The following DET1 variants were observed in gnomAD, a reference collection of about 807,000 sequenced individuals.
The protein encoded by DET1 is DET1 partner of COP1 E3 ubiquitin ligase.
Under a neutral mutation model 43.7 loss-of-function variants are expected in DET1, and 22 were observed. That is an observed-to-expected ratio of 0.50 (90% CI 0.36 to 0.72). The LOEUF is 0.72. Ranked by LOEUF, DET1 falls within the 30% of genes least tolerant of loss-of-function variation. DET1 has a pLI of 0.00. For missense variants in DET1, 713 were observed against 713.3 expected, an observed-to-expected ratio of 1.00 and a Z score of 0.00; for synonymous variants, 315 against 266.2, an observed-to-expected ratio of 1.18 and a Z score of -1.79.
At chr15:88,511,064 G>A (rs1384960946), downstream of DET1, among the ~76,000 whole-genome samples, 2 of 152,084 alleles carry the variant, frequency 1.3e-5, no homozygotes, top group African/African-American at 2.4e-5. Context: ...GAGCCACCAC[G>A]CCTGGCTGAG....
At chr15:88,529,756 G>C (rs558941557) in intron 2 of DET1, among the ~76,000 whole-genome samples, 1 of 152,218 alleles carries the variant, frequency 6.6e-6, no homozygotes, top group Non-Finnish European at 1.5e-5. Flanking sequence ...ACAGGAGAAT[G>C]GGGAGACATA....
In DET1 at chr15:88,531,455, ATT is replaced by A; in HGVS notation, c.249_250del (p.Glu83AspfsTer3). 1 of 1,613,998 alleles carries A rather than the reference ATT, an allele frequency of 6.2e-7. No individual in the cohort carries two copies. The highest frequency in any genetic ancestry group is 8.5e-7 in the Non-Finnish European group (1 of 1,179,892). On this transcript the variant is annotated frameshift_variant, in exon 2 of 5. Transcript: ENST00000268148. LOFTEE classifies it high-confidence loss of function. This position sits in a 1 kb window ranked among gnomAD's most constrained non-coding sequence, Gnocchi z 6.2. ...TGCCTGGCAGCCCTGGTACTCATAG[ATT>A]TCAAGAGATGTCTGGTCTGAAGAAA...
chr15:88,530,592 G>T, intron 2 of DET1, 31 bp downstream of exon 2: 1 of 1,548,754 alleles, frequency 6.5e-7, no homozygotes, highest in South Asian at 1.3e-5. Context: ...AAGGAGATTA[G>T]ACAAGTAAAA....
intron 3 of DET1, among the ~76,000 whole-genome samples, chr15:88,525,922 T>C (rs2056652075): frequency 6.7e-6 from 1 of 149,884 alleles, no homozygotes; most frequent in Non-Finnish European, 1.5e-5. Context: ...GCAATCCACC[T>C]GGCTTGGACT....
In DET1 at chr15:88,530,772, T is replaced by C. The variant is rs2056789333; in HGVS notation, c.934A>G (p.Ser312Gly). The change falls in exon 2 of 5, where the codon AGT becomes GGT. Residue 312 changes from serine (S) to glycine (G), a missense_variant. Ser to Gly is a moderately conservative substitution (Grantham distance 56). Coordinates refer to ENST00000268148, the MANE Select transcript of DET1 (RefSeq NM_001144074.3). ...YLWRRAEQDG[S>G]AMAKRRFFQY... Reference sequence around the variant, plus strand: ...AAGAAGCGCCTCTTGGCCATTGCACTACCATCCTGTTCTGCCCGGCGCCAC... The same window carrying C: ...AAGAAGCGCCTCTTGGCCATTGCACCACCATCCTGTTCTGCCCGGCGCCAC... 1 of 1,613,968 alleles carries C rather than the reference T, an allele frequency of 6.2e-7. No homozygotes were observed. The highest frequency in any genetic ancestry group is 8.5e-7 in the Non-Finnish European group (1 of 1,179,856).
chr15:88,540,809 C>A (rs2057086850), intron 1 of DET1, among the ~76,000 whole-genome samples: 1 of 137,290 alleles, frequency 7.3e-6, no homozygotes, highest in African/African-American at 2.9e-5. Context: ...GTCATCACCA[C>A]TCCCTAATCT....
intron 1 of DET1, among the ~76,000 whole-genome samples, chr15:88,541,782 GTCC>G (rs1230679331): frequency 1.3e-5 from 2 of 152,126 alleles, no homozygotes; most frequent in Non-Finnish European, 2.9e-5. Flanking sequence ...CACCTCCAAA[GTCC>G]TCCTGAACCA....
chr15:88,513,735 A>G (rs2142255232), intron 4 of DET1, among the ~76,000 whole-genome samples: 1 of 147,616 alleles, frequency 6.8e-6, no homozygotes, highest in South Asian at 2.1e-4. Flanking sequence ...AGTGTCTACC[A>G]TATTGGACAG....
intron 7 of DET1, among the ~76,000 whole-genome samples, chr15:88,507,397 G>A (rs1000587): frequency 0.69 from 105,658 of 152,110 alleles, 36,957 homozygotes; most frequent in South Asian, 0.83. Context: ...TTCTCATATA[G>A]CTTCAATATC....
At chr15:88,523,608 T>G (rs1208473923) in intron 3 of DET1, among the ~76,000 whole-genome samples, 1 of 152,090 alleles carries the variant, frequency 6.6e-6, no homozygotes, top group Non-Finnish European at 1.5e-5. Context: ...CCTGACTGGT[T>G]TTTGTATTTT....
intron 3 of DET1, among the ~76,000 whole-genome samples, chr15:88,517,406 T>C (rs1480044042): frequency 1.3e-5 from 2 of 151,868 alleles, no homozygotes; most frequent in African/African-American, 4.8e-5. Flanking sequence ...TTGTATTTTT[T>C]ATAGAGATGG....
At position 88,522,512 on chromosome 15, in the gene DET1, G is replaced by GTTTTTTGTTTTTT. The variant is rs759224241; in HGVS notation, c.1271+5086_1271+5087insAAAAAACAAAAAA. On this transcript the variant is annotated intron_variant, in intron 3 of 4. Transcript: ENST00000268148. Reference sequence around the variant, plus strand: ...TCTCATTGTTCTAGGAATGTTCCTGGTTTTTTTTTTTTTTTGAGTTGGAGT... The same window carrying GTTTTTTGTTTTTT: ...TCTCATTGTTCTAGGAATGTTCCTGGTTTTTTGTTTTTTTTTTTTTTTTTTTTTGAGTTGGAGT... Among the ~76,000 whole-genome samples, 36 of 80,298 alleles carry GTTTTTTGTTTTTT rather than the reference G, an allele frequency of 4.5e-4. 2 individuals are homozygous for GTTTTTTGTTTTTT. The highest frequency in any genetic ancestry group is 1.8e-3 in the African/African-American group (35 of 19,148). 52.7% of individuals were successfully genotyped at this position (80,298 alleles called of 152,430 possible). A position where few individuals can be genotyped will look rare whatever the true frequency, so the allele number is the denominator to read the frequency against.
chr15:88,531,584 A>G lies in DET1; in HGVS notation c.122T>C (p.Val41Ala). Residue 41 changes from valine to alanine, a missense_variant, in exon 2 of 5, where the codon GTG becomes GCG. Physicochemically the swap from Val to Ala is moderately conservative, Grantham distance 64. Coordinates refer to ENST00000268148, the MANE Select transcript of DET1 (RefSeq NM_001144074.3). The surrounding 1 kb of genome is among the most constrained non-coding windows in gnomAD (Gnocchi z 6.2). ...GTTGGGGAAGACATTCTGATGGAACACTCGGACTTGGTGCCAGTGGGTACC... is the reference window on the plus strand; with the variant it reads ...GTTGGGGAAGACATTCTGATGGAACGCTCGGACTTGGTGCCAGTGGGTACC... ...KAGTHWHQVRVFHQNVFPNFT... is the reference protein window; with the variant it reads ...KAGTHWHQVRAFHQNVFPNFT... 6.2e-7 allele frequency: 1 copy of G among 1,613,992 alleles called. No homozygotes were observed. Among genetic ancestry groups the G allele is most frequent in the South Asian group, 1.1e-5 (1 of 91,080 alleles).
rs2056807888 is a variant in DET1 at position 88,531,301 on chromosome 15, G to A, written c.405C>T (p.Ala135=). The A allele has an allele frequency of 6.2e-7, 1 of 1,613,926 alleles. No homozygotes were observed. The highest frequency in any genetic ancestry group is 8.5e-7 in the Non-Finnish European group (1 of 1,179,868). The part of the protein sequence containing the change: ...FVLLHITNVA[A]NGEHLNRECS... The stretch of plus-strand genomic sequence containing the variant: ...ACTCCCGGTTCAGGTGCTCACCATT[G>A]GCCGCAACATTGGTAATGTGCAGCA... Residue 135 remains alanine (A), a synonymous_variant, in exon 2 of 5, where the codon GCC becomes GCT. Transcript: ENST00000268148. This position sits in a 1 kb window ranked among gnomAD's most constrained non-coding sequence, Gnocchi z 6.2.
chr15:88,518,282 C>T (rs1283380034), intron 3 of DET1, among the ~76,000 whole-genome samples: 1 of 152,044 alleles, frequency 6.6e-6, no homozygotes, highest in Non-Finnish European at 1.5e-5. Context: ...TACTTCTATT[C>T]TTCTGGAAAT....
intron 1 of DET1, among the ~76,000 whole-genome samples, chr15:88,538,041 G>A (rs960498799): frequency 1.2e-4 from 19 of 152,184 alleles, no homozygotes; most frequent in Admixed American, 7.9e-4. Flanking sequence ...TCGGTCATGC[G>A]GTATTTTCAG....
chr15:88,525,321 G>A (rs1373046441), intron 3 of DET1, among the ~76,000 whole-genome samples: 1 of 152,028 alleles, frequency 6.6e-6, no homozygotes, highest in African/African-American at 2.4e-5. Context: ...ATATGTGAGG[G>A]TACCCCCAAT....
At position 88,531,564 on chromosome 15, in the gene DET1, G is replaced by A; in HGVS notation, c.142C>T (p.Pro48Ser). The change falls in exon 2 of 5, where the codon CCC becomes TCC. Residue 48 changes from proline to serine, a missense_variant. Pro to Ser is a moderately conservative substitution (Grantham distance 74). Transcript: ENST00000268148. The surrounding 1 kb of genome is among the most constrained non-coding windows in gnomAD (Gnocchi z 6.2). Reference sequence around the variant, plus strand: ...TCAACGTTGACAACTGTGAAGTTGGGGAAGACATTCTGATGGAACACTCGG... The same window carrying A: ...TCAACGTTGACAACTGTGAAGTTGGAGAAGACATTCTGATGGAACACTCGG... ...QVRVFHQNVF[P>S]NFTVVNVEKP... 1.9e-6 allele frequency: 3 copies of A among 1,613,958 alleles called. No homozygotes were observed. The highest frequency in any genetic ancestry group is 2.5e-6 in the Non-Finnish European group (3 of 1,179,880).
chr15:88,533,779 T>G (rs1567070260), intron 1 of DET1, among the ~76,000 whole-genome samples: 1 of 141,444 alleles, frequency 7.1e-6, no homozygotes, highest in African/African-American at 2.6e-5. Context: ...CCCAGCTACT[T>G]GGGAGGCTGA....
Sources: gnomAD v4.1 joint callset for allele counts (sites outside exome capture counted in the v4.1 genomes callset) on GRCh38, gnomAD v4.1.1 for gene constraint, Gnocchi (gnomAD v3.1) non-coding constraint, MANE v1.5 for transcripts, NCBI Gene and HGNC (gene_info 2026-07-23, HGNC 2026-07-21) for gene names.